Variants in XKR9 observed in about 807,000 individuals in gnomAD.
XKR9 encodes XK related 9.
Under a neutral mutation model 32.0 loss-of-function variants are expected in XKR9, and 32 were observed. The observed-to-expected ratio is 1.00, with a 90% CI of 0.76 to 1.34. The LOEUF is 1.34. Ranked by LOEUF, XKR9 falls within the 40% of genes most tolerant of loss-of-function variation. The pLI is 0.00. For synonymous variants in XKR9, 168 were observed against 143.4 expected (o/e 1.17, Z -1.22); for missense variants, 546 against 429.7 (o/e 1.27, Z -2.39).
At chr8:70,754,926 A>G (rs1463240946) in intron 2 of XKR9, among the ~76,000 whole-genome samples, 2 of 152,192 alleles carry the variant, frequency 1.3e-5, no homozygotes, top group Non-Finnish European at 2.9e-5. Context: ...ATCTAATTAA[A>G]CTGAAGAGCT....
the XKR9 span, among the ~76,000 whole-genome samples, chr8:70,845,158 A>G: frequency 3.3e-5 from 5 of 152,222 alleles, no homozygotes; most frequent in Non-Finnish European, 7.3e-5. Context: ...ACCACTGAAG[A>G]AATCACAGAC....
At chr8:70,732,058 G>A (rs1417679443) in intron 4 of XKR9, among the ~76,000 whole-genome samples, 3 of 152,182 alleles carry the variant, frequency 2.0e-5, no homozygotes, top group African/African-American at 7.2e-5. Flanking sequence ...ACTCCCAGGA[G>A]CTGAACTGAG....
chr8:70,714,578 A>T (rs1286211536), intron 4 of XKR9, among the ~76,000 whole-genome samples: 1 of 152,124 alleles, frequency 6.6e-6, no homozygotes, highest in Non-Finnish European at 1.5e-5. Flanking sequence ...TTTTGTCAAC[A>T]TCATAACTTA....
At chr8:70,818,516 C>A in the XKR9 span, among the ~76,000 whole-genome samples, 2 of 152,040 alleles carry the variant, frequency 1.3e-5, no homozygotes, top group East Asian at 1.9e-4. Flanking sequence ...TGTTTACCAC[C>A]AAATAACTAG....
chr8:70,978,833 C>G, the XKR9 span, among the ~76,000 whole-genome samples: 2 of 152,156 alleles, frequency 1.3e-5, no homozygotes, highest in Non-Finnish European at 2.9e-5. Flanking sequence ...AGAGTGTTTT[C>G]CAGCTTGGTT....
chr8:70,742,761 T>G (rs1807006475), intron 2 of XKR9, among the ~76,000 whole-genome samples: 1 of 152,128 alleles, frequency 6.6e-6, no homozygotes, highest in Admixed American at 6.5e-5. Context: ...TGATAAAAAG[T>G]TAGTGATCAT....
the XKR9 span, among the ~76,000 whole-genome samples, chr8:70,845,788 G>T: frequency 4.4e-4 from 67 of 151,992 alleles, no homozygotes; most frequent in Non-Finnish European, 8.5e-4. Flanking sequence ...AAAAACCAAA[G>T]CCCATGTGAC....
the XKR9 span, among the ~76,000 whole-genome samples, chr8:70,948,681 A>ATGCC: frequency 6.6e-6 from 1 of 152,348 alleles, no homozygotes; most frequent in South Asian, 2.1e-4. Flanking sequence ...CCTGGAAGGA[A>ATGCC]TGCCTGCACA....
chr8:70,731,414 G>A (rs1806659841), intron 4 of XKR9, among the ~76,000 whole-genome samples: 1 of 152,004 alleles, frequency 6.6e-6, no homozygotes, highest in Admixed American at 6.6e-5. Context: ...CCTGCTTGAT[G>A]TGCCATAGCT....
the XKR9 span, among the ~76,000 whole-genome samples, chr8:70,827,606 C>T: frequency 6.6e-6 from 1 of 152,182 alleles, no homozygotes; most frequent in Non-Finnish European, 1.5e-5. Flanking sequence ...TTGTATGTCA[C>T]TTTAACAGTC....
At chr8:71,014,734 A>G in the XKR9 span, among the ~76,000 whole-genome samples, 1 of 152,230 alleles carries the variant, frequency 6.6e-6, no homozygotes, top group East Asian at 1.9e-4. Flanking sequence ...GATATTCTCT[A>G]CATAGGCTTC....
intron 4 of XKR9, among the ~76,000 whole-genome samples, chr8:70,712,504 C>T (rs1427508068): frequency 6.6e-6 from 1 of 152,048 alleles, no homozygotes; most frequent in African/African-American, 2.4e-5. Context: ...GAACCTCTCT[C>T]CCCTAGTAAA....
chr8:70,825,686 A>G, the XKR9 span, among the ~76,000 whole-genome samples: 1 of 152,232 alleles, frequency 6.6e-6, no homozygotes, highest in East Asian at 1.9e-4. Context: ...TATGCCTCCC[A>G]AATTGCAGTC....
chr8:70,891,077 G>C, the XKR9 span, among the ~76,000 whole-genome samples: 1 of 151,700 alleles, frequency 6.6e-6, no homozygotes, highest in Non-Finnish European at 1.5e-5. Flanking sequence ...TAGTTTGTTG[G>C]CATATAGTTA....
At chr8:70,889,818 T>A in the XKR9 span, among the ~76,000 whole-genome samples, 1 of 151,950 alleles carries the variant, frequency 6.6e-6, no homozygotes, top group African/African-American at 2.4e-5. Flanking sequence ...TCCAGTCCAT[T>A]GTTGATAGGC....
the XKR9 span, among the ~76,000 whole-genome samples, chr8:71,060,201 T>C: frequency 1.3e-5 from 2 of 152,240 alleles, no homozygotes; most frequent in Non-Finnish European, 2.9e-5. Flanking sequence ...TATTTGTGGA[T>C]GTTGAAGTTG....
At chr8:70,682,257 T>C (rs1021176701) in intron 3 of XKR9, among the ~76,000 whole-genome samples, 2 of 152,140 alleles carry the variant, frequency 1.3e-5, no homozygotes, top group African/African-American at 4.8e-5. Context: ...AACAAATACA[T>C]ATGTAATAGG....
At chr8:70,985,801 T>A in the XKR9 span, among the ~76,000 whole-genome samples, 1 of 152,036 alleles carries the variant, frequency 6.6e-6, no homozygotes, top group Non-Finnish European at 1.5e-5. Flanking sequence ...TGCTGAAAAC[T>A]CTACTTTAAA....
chr8:70,813,962 T>C, the XKR9 span, among the ~76,000 whole-genome samples: 2 of 152,208 alleles, frequency 1.3e-5, no homozygotes, highest in Admixed American at 6.5e-5. Flanking sequence ...CAAAGGATTA[T>C]AAATCATGCT....
Sources: gnomAD v4.1 joint callset for allele counts (sites outside exome capture counted in the v4.1 genomes callset) on GRCh38, gnomAD v4.1.1 for gene constraint, MANE v1.5 for transcripts, NCBI Gene and HGNC (gene_info 2026-07-23, HGNC 2026-07-21) for gene names.